Variants in SYTL3 observed in about 807,000 individuals in gnomAD.
SYTL3 encodes the protein synaptotagmin-like protein 3.
A neutral mutation model predicts 82.1 loss-of-function variants in SYTL3; 88 were observed. The ratio of observed to expected loss-of-function variants is 1.07; its 90% CI spans 0.90 to 1.28. The LOEUF (loss-of-function observed/expected upper bound fraction) is 1.28, where lower values mean the gene tolerates loss of function less well. SYTL3 is among the 50% of genes most tolerant of loss of function. The pLI is 0.00. For synonymous variants in SYTL3, 311 were observed against 289.4 expected (o/e 1.07, Z -0.76); for missense variants, 831 against 757.6 (o/e 1.10, Z -1.14).
chr6:158,716,166 A>C (rs974680280), intron 9 of SYTL3, among the ~76,000 whole-genome samples: 4 of 152,220 alleles, frequency 2.6e-5, no homozygotes, highest in African/African-American at 9.6e-5. Context: ...TCAGCACTGT[A>C]GTCCCCCTTA....
At chr6:158,659,358 CT>C (rs1368209550) in intron 2 of SYTL3, among the ~76,000 whole-genome samples, 1 of 152,014 alleles carries the variant, frequency 6.6e-6, no homozygotes, top group East Asian at 1.9e-4. Flanking sequence ...TTAGTCTTTT[CT>C]TTTTTTTCTT....
intron 11 of SYTL3, among the ~76,000 whole-genome samples, chr6:158,744,209 G>T (rs563580485): frequency 1.3e-5 from 2 of 150,916 alleles, no homozygotes; most frequent in East Asian, 2.0e-4. Flanking sequence ...GAGCCACCAC[G>T]CCTGGTCTCA....
chr6:158,654,614 T>A (rs1291289353), intron 2 of SYTL3, among the ~76,000 whole-genome samples: 5 of 152,198 alleles, frequency 3.3e-5, no homozygotes, highest in African/African-American at 1.2e-4. Context: ...TTGTTCTGGC[T>A]GTTGCTCTAG....
At chr6:158,693,850 CTTTTCTTTTT>C (rs1227976874) in intron 6 of SYTL3, among the ~76,000 whole-genome samples, 1 of 58,438 alleles carries the variant, frequency 1.7e-5, no homozygotes, top group Non-Finnish European at 3.1e-5. Context: ...CTTTCTTTTT[CTTTTCTTTTT>C]TTTTTTTTTT....
At chr6:158,703,455 C>T (rs919633313) in intron 6 of SYTL3, among the ~76,000 whole-genome samples, 1 of 152,306 alleles carries the variant, frequency 6.6e-6, no homozygotes, top group African/African-American at 2.4e-5. Context: ...CAGCTCCTTG[C>T]GCGAATACTG....
At chr6:158,681,894 A>G (rs1778736188) in intron 5 of SYTL3, among the ~76,000 whole-genome samples, 1 of 152,202 alleles carries the variant, frequency 6.6e-6, no homozygotes. Context: ...CCTGTAGCCC[A>G]TCACTTGTGC....
intron 15 of SYTL3, 113 bp downstream of exon 15, chr6:158,760,858 C>T (rs916371729): frequency 1.3e-4 from 97 of 775,926 alleles, no homozygotes; most frequent in Admixed American, 3.4e-4. Flanking sequence ...TCTACGTCCC[C>T]GTGCCCAGCT....
At chr6:158,738,864 G>C (rs1452458181) in intron 11 of SYTL3, among the ~76,000 whole-genome samples, 1 of 152,168 alleles carries the variant, frequency 6.6e-6, no homozygotes, top group African/African-American at 2.4e-5. Flanking sequence ...CGCCATGTTG[G>C]CCAGGCTGGT....
At chr6:158,714,143 A>G (rs1783075240) in intron 9 of SYTL3, among the ~76,000 whole-genome samples, 1 of 152,228 alleles carries the variant, frequency 6.6e-6, no homozygotes, top group African/African-American at 2.4e-5. Flanking sequence ...ACTTGAGGTC[A>G]GGAGTTCGAG....
chr6:158,708,198 G>A lies in SYTL3; in HGVS notation c.447-124G>A, dbSNP rs573656090. On this transcript the variant is annotated intron_variant, in intron 7 of 17. Coordinates refer to ENST00000611299, the MANE Select transcript of SYTL3 (RefSeq NM_001242394.2). ...GCTGCTGGCTATTTTTCCAAAAAGT[G>A]AGGCAGTTTAAAAAAAAGGCGGAGA... 1.5e-4 allele frequency: 129 copies of A among 877,682 alleles called. 3 individuals are homozygous for A. In the South Asian group the frequency reaches 1.8e-3, roughly 12 times the overall value. The allele number at this position is 877,682 out of a possible 1,614,324, so 54.4% of individuals were successfully genotyped here.
At chr6:158,648,257 C>T (rs1472490506), upstream of SYTL3, among the ~76,000 whole-genome samples, 1 of 151,826 alleles carries the variant, frequency 6.6e-6, no homozygotes, top group Non-Finnish European at 1.5e-5. Flanking sequence ...AGCGCCATTG[C>T]ACTCCAGCCC....
chr6:158,655,624 T>TA (rs1199213099), intron 2 of SYTL3, among the ~76,000 whole-genome samples: 4 of 152,256 alleles, frequency 2.6e-5, no homozygotes, highest in Non-Finnish European at 5.9e-5. Flanking sequence ...AGGCTGCTCT[T>TA]ACTGTTAGTA....
chr6:158,686,066 A>G (rs1229412959), intron 6 of SYTL3, among the ~76,000 whole-genome samples: 2 of 152,180 alleles, frequency 1.3e-5, no homozygotes, highest in African/African-American at 4.8e-5. Flanking sequence ...GCATGAATGT[A>G]TGTGTGTGTG....
upstream of SYTL3, among the ~76,000 whole-genome samples, chr6:158,646,915 C>T (rs1787513664): frequency 6.6e-6 from 1 of 152,188 alleles, no homozygotes; most frequent in African/African-American, 2.4e-5. Context: ...CCACCACGAT[C>T]CTGAGCCAAT....
At chr6:158,735,500 G>A (rs779271889) in intron 11 of SYTL3, among the ~76,000 whole-genome samples, 2 of 151,978 alleles carry the variant, frequency 1.3e-5, no homozygotes, top group Non-Finnish European at 2.9e-5. Flanking sequence ...TTCCCTTTAG[G>A]CTGAAGCAGC....
intron 10 of SYTL3, among the ~76,000 whole-genome samples, chr6:158,723,150 A>G (rs1351723323): frequency 7.9e-6 from 1 of 126,234 alleles, no homozygotes; most frequent in Non-Finnish European, 1.6e-5. Context: ...GCTGGAGTGC[A>G]GTGTCATGAT....
At chr6:158,646,193 C>A (rs1050901797), upstream of SYTL3, among the ~76,000 whole-genome samples, 1 of 152,064 alleles carries the variant, frequency 6.6e-6, no homozygotes, top group African/African-American at 2.4e-5. Context: ...GTGGTGTGAT[C>A]GGAGATTTTG....
intron 5 of SYTL3, among the ~76,000 whole-genome samples, chr6:158,673,228 AT>A (rs953297316): frequency 5.4e-5 from 8 of 148,214 alleles, no homozygotes; most frequent in South Asian, 4.3e-4. Context: ...ATGCCCAGTT[AT>A]TTTTTTTTTC....
intron 6 of SYTL3, among the ~76,000 whole-genome samples, chr6:158,699,130 C>T (rs1304419208): frequency 6.6e-6 from 1 of 152,160 alleles, no homozygotes; most frequent in East Asian, 1.9e-4. Context: ...AGAGGCCTAA[C>T]CACACTGATG....
Sources: allele counts gnomAD v4.1 joint callset (sites outside exome capture counted in the v4.1 genomes callset), GRCh38; gene constraint gnomAD v4.1.1; transcripts MANE v1.5; gene names NCBI Gene and HGNC (gene_info 2026-07-23, HGNC 2026-07-21).